KIAA1549: variants seen among roughly 807,000 people sequenced by gnomAD.
KIAA1549 encodes the protein KIAA1549.
In KIAA1549, 70 loss-of-function variants were observed where a neutral mutation model predicts 156.4. The ratio of observed to expected loss-of-function variants is 0.45; its 90% CI spans 0.37 to 0.55. The LOEUF is 0.55. Ranked by LOEUF, KIAA1549 falls within the 20% of genes least tolerant of loss-of-function variation. The pLI, the probability that KIAA1549 is intolerant of heterozygous loss-of-function variation, is 0.00. For missense variants in KIAA1549, 2,428 were observed against 2,540.9 expected, an observed-to-expected ratio of 0.96 and a Z score of 0.96; for synonymous variants, 1,103 against 1,066.4, an observed-to-expected ratio of 1.03 and a Z score of -0.67.
intron 8 of KIAA1549, among the ~76,000 whole-genome samples, chr7:138,903,361 T>A (rs773852192): frequency 6.6e-6 from 1 of 152,248 alleles, no homozygotes; most frequent in Non-Finnish European, 1.5e-5. Context: ...TCTATTGTTA[T>A]ACTACTACTT....
chr7:138,869,750 C>T lies in KIAA1549; in HGVS notation c.4563G>A (p.Ala1521=), dbSNP rs528797020. ...SNKINKEIQT[A]LRHKSEIEHH... ...GCTCGATCTCAGACTTGTGCCGCAGCGCGGTCTGAATCTGAGGAAGGGTGA... is the reference window on the plus strand; with the variant it reads ...GCTCGATCTCAGACTTGTGCCGCAGTGCGGTCTGAATCTGAGGAAGGGTGA... The change falls in exon 14 of 20, where the codon GCG becomes GCA. Residue 1521 remains alanine, a synonymous_variant. Coordinates refer to ENST00000422774, the MANE Select transcript of KIAA1549 (RefSeq NM_001164665.2). 4.3e-6 allele frequency: 7 copies of T among 1,609,508 alleles called. No homozygotes were observed. Among genetic ancestry groups the T allele is most frequent in the Middle Eastern group, 1.7e-4 (1 of 5,738 alleles).
chr7:138,884,656 T>G (rs933769028), intron 10 of KIAA1549, among the ~76,000 whole-genome samples: 3 of 152,228 alleles, frequency 2.0e-5, no homozygotes, highest in African/African-American at 7.2e-5. Flanking sequence ...GTGGCTTACT[T>G]TCTAACCTGA....
chr7:138,862,978 C>G (rs1485249139), intron 15 of KIAA1549, among the ~76,000 whole-genome samples: 1 of 152,140 alleles, frequency 6.6e-6, no homozygotes, highest in Admixed American at 6.5e-5. Flanking sequence ...TGTTCTATAC[C>G]TACTGCTTAA....
chr7:138,903,792 AGTGTGTGTGTGTGT>A (rs55745123), intron 7 of KIAA1549, 56 bp from the exon 8 acceptor site: 21,083 of 1,194,524 alleles, frequency 0.018, 659 homozygotes, highest in East Asian at 0.043. Flanking sequence ...GTAAAAAAAC[AGTGTGTGTGTGTGT>A]GTGTGTGTGT....
At chr7:138,934,543 A>C (rs1206764245) in intron 1 of KIAA1549, among the ~76,000 whole-genome samples, 1 of 152,128 alleles carries the variant, frequency 6.6e-6, no homozygotes, top group Non-Finnish European at 1.5e-5. Flanking sequence ...TTCCTGACTC[A>C]AATAAGAGAC....
At chr7:138,865,681 G>A (rs1320752296) in intron 15 of KIAA1549, among the ~76,000 whole-genome samples, 1 of 152,140 alleles carries the variant, frequency 6.6e-6, no homozygotes, top group East Asian at 1.9e-4. Context: ...CACAGGAGGA[G>A]GAATCCCTGC....
intron 3 of KIAA1549, among the ~76,000 whole-genome samples, chr7:138,912,103 C>T (rs1180601633): frequency 6.6e-6 from 1 of 152,218 alleles, no homozygotes; most frequent in Admixed American, 6.5e-5. Context: ...CAGACTGCTG[C>T]CTCTGGTCTG....
At chr7:138,841,540 G>A (rs1040136806) in intron 18 of KIAA1549, among the ~76,000 whole-genome samples, 2 of 152,074 alleles carry the variant, frequency 1.3e-5, no homozygotes, top group Non-Finnish European at 2.9e-5. Flanking sequence ...GCAAATTAAG[G>A]GCGAACAAAG....
In KIAA1549 at chr7:138,871,149, G is replaced by C. The variant is rs1810918875; in HGVS notation, c.4551+8C>G. On this transcript the variant is annotated splice_region_variant and intron_variant, in intron 13 of 19. Transcript: ENST00000422774. ...TTAAGTAACAGACTTTTAAATAAAA[G>C]CAAATACCTCTTTGTTGATTTTATT... 6.2e-7 allele frequency: 1 copy of C among 1,609,246 alleles called. No homozygotes were observed. The highest frequency in any genetic ancestry group is 1.7e-5 in the Admixed American group (1 of 59,990).
intron 16 of KIAA1549, 39 bp from the exon 17 acceptor site, chr7:138,852,308 A>G (rs1257759251): frequency 1.5e-6 from 2 of 1,355,834 alleles, no homozygotes; most frequent in Non-Finnish European, 2.1e-6. Context: ...TTAATATTCA[A>G]TACTTATTAT....
At chr7:138,904,786 C>G (rs1035526566) in intron 7 of KIAA1549, among the ~76,000 whole-genome samples, 2 of 152,018 alleles carry the variant, frequency 1.3e-5, no homozygotes, top group African/African-American at 4.8e-5. Context: ...TCCTGTTAGA[C>G]TCTGCCCTGA....
At chr7:138,931,838 A>G (rs1337654944) in intron 1 of KIAA1549, among the ~76,000 whole-genome samples, 2 of 151,906 alleles carry the variant, frequency 1.3e-5, no homozygotes, top group African/African-American at 2.4e-5. Flanking sequence ...ATTCACGTGT[A>G]TATATTTTAA....
At chr7:138,911,125 A>C in intron 4 of KIAA1549, 21 bp downstream of exon 4, 1 of 1,460,548 alleles carries the variant, frequency 6.8e-7, no homozygotes, top group Admixed American at 2.6e-5. Flanking sequence ...AAATAAAAAC[A>C]ACTATGCTGA....
chr7:138,861,426 T>G lies in KIAA1549; in HGVS notation c.4960A>C (p.Thr1654Pro). The G allele has an allele frequency of 6.2e-7, 1 of 1,612,248 alleles. No individual in the cohort carries two copies. Among genetic ancestry groups the G allele is most frequent in the Non-Finnish European group, 8.5e-7 (1 of 1,179,246 alleles). Reference sequence around the variant, plus strand: ...CTCCCCAGTTCCACCGAGGATGGTGTCTGCACATCGGCTGGGAGGTCAGGA... The same window carrying G: ...CTCCCCAGTTCCACCGAGGATGGTGGCTGCACATCGGCTGGGAGGTCAGGA... ...SDPDLPADVQTPSSVELGRYP... is the reference protein window; with the variant it reads ...SDPDLPADVQPPSSVELGRYP... Residue 1654 changes from threonine to proline, a missense_variant, in exon 16 of 20, where the codon ACA (threonine) becomes CCA (proline). By Grantham distance (38) the Thr-to-Pro change is conservative (BLOSUM62 -1). Around this residue, in one of 5 missense-constraint regions of KIAA1549, gnomAD observed 404 missense variants for 417.0 expected, o/e 0.97. Coordinates refer to ENST00000422774, the MANE Select transcript of KIAA1549 (RefSeq NM_001164665.2).
At chr7:138,945,251 C>T (rs962855354) in intron 1 of KIAA1549, among the ~76,000 whole-genome samples, 2 of 152,298 alleles carry the variant, frequency 1.3e-5, no homozygotes, top group East Asian at 1.9e-4. Context: ...GGCCCAGGAA[C>T]GCATATTGTA....
chr7:138,951,269 C>T (rs1421443589), intron 1 of KIAA1549, among the ~76,000 whole-genome samples: 3 of 152,146 alleles, frequency 2.0e-5, no homozygotes, highest in Non-Finnish European at 2.9e-5. Context: ...CCGGACAGGG[C>T]ATCACAGGAT....
In KIAA1549 at chr7:138,871,032, G is replaced by A. The variant is rs770478257; in HGVS notation, c.4551+125C>T. On this transcript the variant is annotated intron_variant, in intron 13 of 19. Transcript: ENST00000422774. Reference sequence around the variant, plus strand: ...GCGTTTCACCATGTTGGCCAGGCTGGTCTCAAACTCCCGACCTCAGGCGAT... The same window carrying A: ...GCGTTTCACCATGTTGGCCAGGCTGATCTCAAACTCCCGACCTCAGGCGAT... The A allele has an allele frequency of 9.1e-5, 74 of 816,606 alleles. No homozygotes were observed. In the Middle Eastern group the frequency reaches 2.1e-3, roughly 23 times the overall value. The allele number at this position is 816,606 out of a possible 1,614,324, so 50.6% of individuals were successfully genotyped here.
chr7:138,857,097 G>T (rs1810416064), intron 16 of KIAA1549, among the ~76,000 whole-genome samples: 1 of 152,056 alleles, frequency 6.6e-6, no homozygotes. Context: ...TACACCACTG[G>T]CTTCTGTGGG....
At chr7:138,863,816 G>A (rs929421784) in intron 15 of KIAA1549, among the ~76,000 whole-genome samples, 10 of 152,252 alleles carry the variant, frequency 6.6e-5, no homozygotes, top group African/African-American at 2.4e-4. Flanking sequence ...TCTCCCAACT[G>A]CAACATCCCA....
Sources: allele counts gnomAD v4.1 joint callset (sites outside exome capture counted in the v4.1 genomes callset), GRCh38; gene constraint gnomAD v4.1.1; regional missense constraint gnomAD v4.1.1; transcripts MANE v1.5; gene names NCBI Gene and HGNC (gene_info 2026-07-23, HGNC 2026-07-21).